PDE4A: variants seen among roughly 807,000 people sequenced by gnomAD.
PDE4A encodes the protein 3',5'-cyclic-AMP phosphodiesterase 4A.
In PDE4A, 21 loss-of-function variants were observed where a neutral mutation model predicts 73.9. That is an observed-to-expected ratio of 0.28 (90% confidence interval 0.20 to 0.41). The LOEUF (loss-of-function observed/expected upper bound fraction) is 0.41, where lower values mean the gene tolerates loss of function less well. Ranked by LOEUF, PDE4A falls within the 10% of genes least tolerant of loss-of-function variation. The probability of loss-of-function intolerance (pLI) is 1.00; values close to 1 mark genes in which losing one functional copy is unlikely to be tolerated. For missense variants in PDE4A, 958 were observed against 1,211.4 expected, an observed-to-expected ratio of 0.79 and a Z score of 3.10; for synonymous variants, 463 against 505.4, an observed-to-expected ratio of 0.92 and a Z score of 1.13.
intron 1 of PDE4A, chr19:10,423,158 T>C (rs2042671800): frequency 6.2e-6 from 1 of 161,760 alleles, no homozygotes; most frequent in Non-Finnish European, 8.0e-6. Flanking sequence ...ACCCTTTCTC[T>C]TTTTTTTTTT....
upstream of PDE4A, chr19:10,417,548 C>T: frequency 3.5e-6 from 5 of 1,449,088 alleles, no homozygotes; most frequent in Non-Finnish European, 4.5e-6. Context: ...GAAGGGGAGC[C>T]TATACCGCCA....
Position 10,424,714 on chromosome 19 carries a change from G to C in PDE4A, c.320+3630G>C, listed in dbSNP as rs1180096788. 4.6e-5 allele frequency among the ~76,000 whole-genome samples: 7 copies of C among 152,266 alleles called. No homozygotes were observed. The highest frequency in any genetic ancestry group is 7.3e-5 in the Non-Finnish European group (5 of 68,052). ...CTTGGGACCAGGCCGCTTTCCCCAT[G>C]CGCCAGCCCCTGCCACACGCTGCGG... On this transcript the variant is annotated intron_variant, in intron 1 of 14. Transcript: ENST00000380702. This position sits in a 1 kb window ranked among gnomAD's most constrained non-coding sequence, Gnocchi z 4.8.
chr19:10,438,813 T>A (rs1489067788), intron 1 of PDE4A, among the ~76,000 whole-genome samples: 1 of 151,646 alleles, frequency 6.6e-6, no homozygotes, highest in African/African-American at 2.4e-5. Flanking sequence ...TCCATGTTGG[T>A]CAGGCTGGTC....
intron 1 of PDE4A, 43 bp downstream of exon 1, chr19:10,421,127 G>T (rs968085690): frequency 1.5e-5 from 20 of 1,344,694 alleles, no homozygotes; most frequent in Middle Eastern, 2.7e-4. Context: ...GGATGGGCGC[G>T]CAGGGAGGAG....
chr19:10,467,260 A>C lies in PDE4A; in HGVS notation c.2300A>C (p.Glu767Ala). 6.2e-7 allele frequency: 1 copy of C among 1,614,174 alleles called. No individual in the cohort carries two copies. The highest frequency in any genetic ancestry group is 8.5e-7 in the Non-Finnish European group (1 of 1,180,026). ...GAGTCGTTGGAAGTTATGGCACAGG[A>C]AGCATCCCTGGAGGCCGAGCTGGAG... ...AQESLEVMAQ[E>A]ASLEAELEAV... Residue 767 changes from glutamate to alanine, a missense_variant, in exon 15 of 15, where the codon GAA becomes GCA. Physicochemically the swap from Glu to Ala is moderately radical, Grantham distance 107 (BLOSUM62 -1). Coordinates refer to ENST00000380702, the MANE Select transcript of PDE4A (RefSeq NM_001111307.2).
intron 6 of PDE4A, among the ~76,000 whole-genome samples, chr19:10,454,104 A>G (rs1007271297): frequency 6.6e-6 from 1 of 152,074 alleles, no homozygotes; most frequent in Admixed American, 6.6e-5. Flanking sequence ...AGGGGCCTCC[A>G]AGCCCGGTTT....
intron 14 of PDE4A, among the ~76,000 whole-genome samples, chr19:10,466,273 C>A (rs1196560229): frequency 2.0e-5 from 3 of 149,330 alleles, no homozygotes; most frequent in African/African-American, 7.3e-5. Flanking sequence ...AGTGAAACCC[C>A]GTCTCTACTA....
chr19:10,452,861 TAA>T, intron 6 of PDE4A: 2 of 551,194 alleles, frequency 3.6e-6, no homozygotes, highest in Non-Finnish European at 4.7e-6. Context: ...GATGCCCCTT[TAA>T]TACCCCCCCA....
chr19:10,466,600 C>T (rs111367389), intron 14 of PDE4A, among the ~76,000 whole-genome samples: 3,679 of 151,840 alleles, frequency 0.024, 145 homozygotes, highest in African/African-American at 0.084. Flanking sequence ...CAGGTTCAAG[C>T]GATTCTGTCT....
At chr19:10,434,311 T>C (rs1251654560) in intron 1 of PDE4A, among the ~76,000 whole-genome samples, 1 of 151,290 alleles carries the variant, frequency 6.6e-6, no homozygotes, top group East Asian at 1.9e-4. Context: ...TTCAAGCAAT[T>C]CTTGTGCCTC....
upstream of PDE4A, chr19:10,419,129 G>C: frequency 1.0e-6 from 1 of 960,218 alleles, no homozygotes; most frequent in Non-Finnish European, 1.2e-6. Context: ...ACGGCATCGC[G>C]TGCCCTGGGG....
At chr19:10,427,663 A>C in intron 1 of PDE4A, 1 of 979,464 alleles carries the variant, frequency 1.0e-6, no homozygotes, top group East Asian at 1.1e-4. Context: ...TGGGTCCATA[A>C]TCCAGCTCTG....
rs1169447529 is a variant in PDE4A, at chr19:10,453,008, A to T, written c.784-1821A>T. On this transcript the variant is annotated intron_variant, in intron 6 of 14. Coordinates refer to ENST00000380702, the MANE Select transcript of PDE4A (RefSeq NM_001111307.2). The surrounding 1 kb of genome is among the most constrained non-coding windows in gnomAD (Gnocchi z 4.6). ...CCCTGCCCCCCTCCCATGGGCACGG[A>T]CCCCCCACCGCCTCCACCCACTGCC... 4.6e-6 allele frequency: 6 copies of T among 1,297,662 alleles called. No homozygotes were observed. Among genetic ancestry groups the T allele is most frequent in the Non-Finnish European group, 5.9e-6 (6 of 1,020,850 alleles). The allele number at this position is 1,297,662 out of a possible 1,614,324, so 80.4% of individuals were successfully genotyped here. A position where few individuals can be genotyped will look rare whatever the true frequency, so the allele number is the denominator to read the frequency against.
At chr19:10,435,230 C>G (rs2042849377) in intron 1 of PDE4A, among the ~76,000 whole-genome samples, 1 of 152,048 alleles carries the variant, frequency 6.6e-6, no homozygotes, top group Non-Finnish European at 1.5e-5. Flanking sequence ...GAGGGGGAAA[C>G]AGGTAGCAAC....
At chr19:10,419,315 C>T (rs1464242439), upstream of PDE4A, 3 of 153,972 alleles carry the variant, frequency 1.9e-5, no homozygotes. Flanking sequence ...TGGGGGCGCA[C>T]TCGGATCCCG....
At chr19:10,460,464 A>T (rs2043245477) in intron 10 of PDE4A, among the ~76,000 whole-genome samples, 1 of 151,400 alleles carries the variant, frequency 6.6e-6, no homozygotes. Flanking sequence ...GCGCCACTGC[A>T]CTCCAGCCTG....
intron 8 of PDE4A, chr19:10,459,072 A>G: frequency 3.0e-6 from 1 of 335,086 alleles, no homozygotes; most frequent in Non-Finnish European, 5.7e-6. Context: ...CTGGGTTCCT[A>G]TCCTAGCTTT....
At chr19:10,434,460 G>T (rs1371240683) in intron 1 of PDE4A, among the ~76,000 whole-genome samples, 1 of 151,990 alleles carries the variant, frequency 6.6e-6, no homozygotes, top group Non-Finnish European at 1.5e-5. Context: ...CATCCACCTT[G>T]GCCTCCCAAA....
At chr19:10,464,418 TTTTA>T (rs1343232151) in intron 14 of PDE4A, 4 of 454,906 alleles carry the variant, frequency 8.8e-6, no homozygotes, top group Non-Finnish European at 1.8e-5. Context: ...TTTATTTAGG[TTTTA>T]TTTATTTATT....
Sources: gnomAD v4.1 joint callset for allele counts (sites outside exome capture counted in the v4.1 genomes callset) on GRCh38, gnomAD v4.1.1 for gene constraint, Gnocchi (gnomAD v3.1) non-coding constraint, MANE v1.5 for transcripts, NCBI Gene and HGNC (gene_info 2026-07-23, HGNC 2026-07-21) for gene names.